The following TECPR2 variants were observed in gnomAD, a reference collection of about 807,000 sequenced individuals.
TECPR2 encodes the protein tectonin beta-propeller repeat-containing protein 2.
TECPR2 carries 65 observed loss-of-function variants against 138.1 expected under a neutral mutation model. That is an observed-to-expected ratio of 0.47 (90% confidence interval 0.39 to 0.58). The LOEUF is 0.58. Among genes scored for constraint, TECPR2 ranks in the 20% least tolerant of loss-of-function variants. TECPR2 has a pLI of 0.00. For synonymous variants in TECPR2, 746 were observed against 749.8 expected (o/e 0.99, Z 0.08); for missense variants, 1,553 against 1,824.5 (o/e 0.85, Z 2.71).
chr14:102,450,606 A>C lies in TECPR2; in HGVS notation c.3363A>C (p.Thr1121=), dbSNP rs1316923746. 3 of 1,614,114 alleles carry C rather than the reference A, an allele frequency of 1.9e-6. No individual in the cohort carries two copies. Among genetic ancestry groups the C allele is most frequent in the Non-Finnish European group, 2.5e-6 (3 of 1,180,052 alleles). The change falls in exon 15 of 20, where the codon ACA becomes ACC. Residue 1121 remains threonine, a synonymous_variant. Coordinates refer to ENST00000359520, the MANE Select transcript of TECPR2 (RefSeq NM_014844.5). ...TTCCCCGTGGGACAGCTTCTGCTAC[A>C]AAATGGGCCTTTGTGTTGGCTTCTG... ...HVVPRGTASA[T]KWAFVLASAA... is the part of the protein sequence containing the mutation.
chr14:102,406,105 A>C (rs1888651696), intron 2 of TECPR2, among the ~76,000 whole-genome samples: 1 of 152,190 alleles, frequency 6.6e-6, no homozygotes, highest in Non-Finnish European at 1.5e-5. Flanking sequence ...ATTGTTTAAT[A>C]GAGTTTCAGT....
chr14:102,407,275 C>G, intron 2 of TECPR2, 63 bp from the exon 3 acceptor site: 1 of 1,524,616 alleles, frequency 6.6e-7, no homozygotes, highest in Non-Finnish European at 8.8e-7. Context: ...GTAATGTCCT[C>G]CTTGTTTTAC....
intron 1 of TECPR2, among the ~76,000 whole-genome samples, chr14:102,372,813 G>A (rs564330567): frequency 2.0e-5 from 3 of 152,118 alleles, no homozygotes; most frequent in Admixed American, 6.5e-5. Flanking sequence ...CCAGCTACTC[G>A]GGAGGCTGAG....
intron 7 of TECPR2, among the ~76,000 whole-genome samples, chr14:102,428,904 A>G (rs557763623): frequency 2.0e-5 from 3 of 151,120 alleles, no homozygotes; most frequent in Non-Finnish European, 4.4e-5. Context: ...CTAGAGTGCA[A>G]TGAGGCGATC....
intron 6 of TECPR2, 21 bp from the exon 7 acceptor site, chr14:102,428,222 GTTTTTTT>G (rs565236204): frequency 1.3e-4 from 139 of 1,058,334 alleles, no homozygotes; most frequent in Admixed American, 5.5e-4. Context: ...TGTGTTTTTT[GTTTTTTT>G]TTTTTTTTTT....
chr14:102,454,711 C>G (rs151265364), intron 16 of TECPR2, among the ~76,000 whole-genome samples: 2 of 152,336 alleles, frequency 1.3e-5, no homozygotes, highest in East Asian at 1.9e-4. Context: ...CGCTAGTTCC[C>G]TCTGAGGGTA....
rs148904200 is a variant in TECPR2 at position 102,495,446 on chromosome 14, C to T, written c.3790-1533C>T. Among the ~76,000 whole-genome samples, 40 of 152,244 alleles carry T rather than the reference C, an allele frequency of 2.6e-4. No homozygotes were observed. The East Asian group carries it at 6.8e-3, about 26-fold the overall frequency. On this transcript the variant is annotated intron_variant, in intron 17 of 19. Coordinates refer to ENST00000359520, the MANE Select transcript of TECPR2 (RefSeq NM_014844.5). ...ATTCCATGGACCTGGGATTCAGAGG[C>T]GCAGATTTGGGGAAGCGCTGTTCTA...
rs369264906 is a variant in TECPR2 at position 102,370,517 on chromosome 14, G to A, written c.-72-6133G>A. ...GAGATAGGGAGTAGAAGGTGTGAAG[G>A]CCAGGACGTGAGAGGCCAGGCCTGT... On this transcript the variant is annotated intron_variant, in intron 1 of 19. Coordinates refer to ENST00000359520, the MANE Select transcript of TECPR2 (RefSeq NM_014844.5). 2.0e-5 allele frequency among the ~76,000 whole-genome samples: 3 copies of A among 152,312 alleles called. No individual in the cohort carries two copies. The East Asian group carries it at 5.8e-4, about 29-fold the overall frequency.
chr14:102,408,464 T>C, intron 3 of TECPR2, 24 bp from the exon 4 acceptor site: 1 of 1,586,536 alleles, frequency 6.3e-7, no homozygotes, highest in Non-Finnish European at 8.5e-7. Flanking sequence ...TTTTCTTGTG[T>C]ATATTTTTAT....
At chr14:102,477,185 C>T (rs991400311) in intron 17 of TECPR2, among the ~76,000 whole-genome samples, 1 of 152,164 alleles carries the variant, frequency 6.6e-6, no homozygotes, top group Non-Finnish European at 1.5e-5. Flanking sequence ...GCCTGGCCAA[C>T]GTGGTGAAAC....
At chr14:102,413,358 T>C (rs1183593935) in intron 4 of TECPR2, among the ~76,000 whole-genome samples, 2 of 149,372 alleles carry the variant, frequency 1.3e-5, no homozygotes, top group Non-Finnish European at 3.0e-5. Context: ...AATATACATA[T>C]ATTTCATATA....
At chr14:102,427,413 G>A (rs1425768503) in intron 6 of TECPR2, among the ~76,000 whole-genome samples, 1 of 152,176 alleles carries the variant, frequency 6.6e-6, no homozygotes, top group African/African-American at 2.4e-5. Context: ...TCAGAGACTG[G>A]ACCACCCAGT....
intron 17 of TECPR2, among the ~76,000 whole-genome samples, chr14:102,496,120 C>T (rs1382844540): frequency 6.6e-6 from 1 of 152,228 alleles, no homozygotes; most frequent in Non-Finnish European, 1.5e-5. Context: ...CCCACTCGGT[C>T]CCATGGAGGC....
chr14:102,452,300 G>A (rs1890164554), intron 15 of TECPR2, 94 bp from the exon 16 acceptor site: 2 of 1,280,182 alleles, frequency 1.6e-6, no homozygotes, highest in South Asian at 1.4e-5. Context: ...CAGGTGGCTA[G>A]CGTCTGCTGA....
chr14:102,403,259 T>A (rs1195338386), intron 2 of TECPR2, among the ~76,000 whole-genome samples: 2 of 152,146 alleles, frequency 1.3e-5, no homozygotes, highest in Non-Finnish European at 2.9e-5. Context: ...TAATATGCTG[T>A]TTTAACAAAA....
chr14:102,378,646 C>T (rs112554380), intron 2 of TECPR2, among the ~76,000 whole-genome samples: 2,103 of 152,074 alleles, frequency 0.014, 57 homozygotes, highest in African/African-American at 0.048. Context: ...ATTTTTGAGA[C>T]GGAGTTTCAC....
At chr14:102,461,594 C>T (rs982868701) in intron 16 of TECPR2, among the ~76,000 whole-genome samples, 3 of 152,230 alleles carry the variant, frequency 2.0e-5, no homozygotes, top group Non-Finnish European at 4.4e-5. Context: ...CCAGGCTGGG[C>T]TGTGCTTCGG....
intron 2 of TECPR2, among the ~76,000 whole-genome samples, chr14:102,390,221 GCT>G (rs1316270081): frequency 6.6e-6 from 1 of 152,198 alleles, no homozygotes; most frequent in African/African-American, 2.4e-5. Context: ...TGCCAAGGAG[GCT>G]AAGAAGGTTA....
intron 8 of TECPR2, among the ~76,000 whole-genome samples, chr14:102,433,359 C>T (rs963659295): frequency 2.6e-5 from 4 of 151,098 alleles, no homozygotes; most frequent in Non-Finnish European, 4.4e-5. Context: ...TATGTCCATG[C>T]GTGCTCAGTG....
Sources: gnomAD v4.1 joint callset for allele counts (sites outside exome capture counted in the v4.1 genomes callset) on GRCh38, gnomAD v4.1.1 for gene constraint, MANE v1.5 for transcripts, NCBI Gene and HGNC (gene_info 2026-07-23, HGNC 2026-07-21) for gene names.